The following RP1 variants were observed in gnomAD, a reference collection of about 807,000 sequenced individuals.
RP1 encodes the protein oxygen-regulated protein 1.
RP1 carries 16 observed loss-of-function variants against 14.8 expected under a neutral mutation model. The observed-to-expected ratio is 1.08, with a 90% CI of 0.73 to 1.65. The LOEUF (loss-of-function observed/expected upper bound fraction) is 1.65. Ranked by LOEUF, RP1 falls within the 40% of genes most tolerant of loss-of-function variation. RP1 has a pLI of 0.00. For synonymous variants in RP1, 876 were observed against 883.6 expected (o/e 0.99, Z 0.15); for missense variants, 2,631 against 2,535.0 (o/e 1.04, Z -0.81).
intron 27 of RP1, among the ~76,000 whole-genome samples, chr8:54,859,343 G>GGTGTCT (rs947200880): frequency 1.6e-4 from 2 of 12,260 alleles, no homozygotes; most frequent in African/African-American, 3.2e-4. Flanking sequence ...ACTGTAGGGT[G>GGTGTCT]GTGTCCCTGT....
chr8:54,651,940 G>A (rs1806662998), intron 4 of RP1, among the ~76,000 whole-genome samples: 1 of 151,044 alleles, frequency 6.6e-6, no homozygotes, highest in South Asian at 2.1e-4. Context: ...TTGTCTCAAA[G>A]TATTTTTTAA....
chr8:54,592,281 G>C (rs1197944210), intron 1 of RP1, among the ~76,000 whole-genome samples: 3 of 152,180 alleles, frequency 2.0e-5, no homozygotes, highest in Non-Finnish European at 4.4e-5. Context: ...ATTTGGGAGA[G>C]AGCAAGGTGC....
chr8:54,668,359 T>C (rs7839593), intron 7 of RP1, among the ~76,000 whole-genome samples: 50,106 of 151,948 alleles, frequency 0.33, 9,127 homozygotes, highest in Middle Eastern at 0.48. Flanking sequence ...CAAACCACTG[T>C]TCAATGAAAT....
chr8:54,685,774 CCTCTT>C (rs1563347405), intron 12 of RP1, among the ~76,000 whole-genome samples: 2 of 152,294 alleles, frequency 1.3e-5, no homozygotes, highest in Non-Finnish European at 2.9e-5. Flanking sequence ...ACTGGACACC[CCTCTT>C]CTCAGTTTTA....
chr8:54,668,487 G>C (rs753247005), intron 7 of RP1, among the ~76,000 whole-genome samples: 1 of 152,122 alleles, frequency 6.6e-6, no homozygotes, highest in African/African-American at 2.4e-5. Context: ...TCCCCATCAA[G>C]CTACTAATGA....
chr8:54,662,730 C>T (rs754009741), intron 6 of RP1, among the ~76,000 whole-genome samples: 3 of 151,976 alleles, frequency 2.0e-5, no homozygotes, highest in Non-Finnish European at 4.4e-5. Flanking sequence ...TGGGGGACTG[C>T]GGAGGAGGAA....
chr8:54,585,300 T>C (rs187058366), intron 1 of RP1, among the ~76,000 whole-genome samples: 301 of 152,344 alleles, frequency 2.0e-3, no homozygotes, highest in African/African-American at 6.9e-3. Context: ...AAAATTCTTT[T>C]CTTTAAGAAT....
intron 1 of RP1, among the ~76,000 whole-genome samples, chr8:54,601,382 T>G (rs1347188915): frequency 8.3e-6 from 1 of 120,414 alleles, no homozygotes; most frequent in Admixed American, 1.2e-4. Context: ...TGGGAACACA[T>G]GGACACAGGA....
intron 14 of RP1, among the ~76,000 whole-genome samples, chr8:54,705,208 C>T (rs1808120569): frequency 6.6e-6 from 1 of 151,938 alleles, no homozygotes; most frequent in African/African-American, 2.4e-5. Flanking sequence ...GAAGAACTCA[C>T]AGAACCCATT....
At chr8:54,759,781 G>C (rs931725652) in intron 22 of RP1, among the ~76,000 whole-genome samples, 1 of 152,080 alleles carries the variant, frequency 6.6e-6, no homozygotes, top group Non-Finnish European at 1.5e-5. Context: ...ATTGTTGCTT[G>C]GTCTCTCAGT....
intron 24 of RP1, among the ~76,000 whole-genome samples, chr8:54,810,379 A>T (rs139438887): frequency 1.2e-3 from 184 of 152,266 alleles, no homozygotes; most frequent in African/African-American, 4.3e-3. Context: ...GCAGGTGATC[A>T]CTTTGTAAAT....
intron 24 of RP1, among the ~76,000 whole-genome samples, chr8:54,813,299 G>C (rs1431873146): frequency 2.0e-5 from 3 of 152,286 alleles, no homozygotes; most frequent in South Asian, 4.1e-4. Context: ...CTGGCTTTCA[G>C]GTTTGTCACA....
At chr8:54,831,830 A>G (rs1022232550) in intron 24 of RP1, among the ~76,000 whole-genome samples, 11 of 151,628 alleles carry the variant, frequency 7.3e-5, no homozygotes, top group African/African-American at 2.7e-4. Flanking sequence ...CATTTTTTGT[A>G]GTACAAGTTG....
At chr8:54,583,176 CAATACCT>C (rs1209742365) in intron 1 of RP1, among the ~76,000 whole-genome samples, 1 of 152,192 alleles carries the variant, frequency 6.6e-6, no homozygotes, top group African/African-American at 2.4e-5. Flanking sequence ...TACGTCCTAT[CAATACCT>C]AATTTATTGA....
chr8:54,859,234 G>A (rs920580071), intron 27 of RP1, among the ~76,000 whole-genome samples: 1 of 151,808 alleles, frequency 6.6e-6, no homozygotes, highest in Non-Finnish European at 1.5e-5. Context: ...CTGTAGAGGG[G>A]TGTCACTGTA....
At chr8:54,661,428 A>G (rs1176819398) in intron 6 of RP1, among the ~76,000 whole-genome samples, 1 of 151,326 alleles carries the variant, frequency 6.6e-6, no homozygotes, top group South Asian at 2.1e-4. Flanking sequence ...GCAGTGAGCC[A>G]TGATTGTTCC....
At chr8:54,858,275 T>C (rs1227109975) in intron 27 of RP1, among the ~76,000 whole-genome samples, 1 of 152,130 alleles carries the variant, frequency 6.6e-6, no homozygotes, top group Admixed American at 6.5e-5. Context: ...CAGGATCGTA[T>C]AGAGGAAATT....
At chr8:54,782,372 T>C (rs1164236662) in intron 23 of RP1, among the ~76,000 whole-genome samples, 1 of 152,190 alleles carries the variant, frequency 6.6e-6, no homozygotes, top group Non-Finnish European at 1.5e-5. Context: ...CAAATGATGT[T>C]TATGTATATA....
Position 54,625,783 on chromosome 8 carries a change from C to G in RP1, c.1901C>G (p.Ala634Gly), listed in dbSNP as rs1372688692. The stretch of plus-strand genomic sequence containing the variant: ...ATTTCTGAGGCTCCAGCTTCAGAAG[C>G]ATCCTCTACTGTCACTGCAAGAATT... ...KNISEAPASEASSTVTARIDR... is the reference protein window; with the variant it reads ...KNISEAPASEGSSTVTARIDR... Residue 634 changes from alanine (A) to glycine (G), a missense_variant, in exon 4 of 4, where the codon GCA becomes GGA. Transcript: ENST00000220676. The G allele has an allele frequency of 6.2e-7, 1 of 1,613,522 alleles. No individual in the cohort carries two copies. The highest frequency in any genetic ancestry group is 1.3e-5 in the African/African-American group (1 of 75,042).
Sources: gnomAD v4.1 joint callset for allele counts (sites outside exome capture counted in the v4.1 genomes callset) on GRCh38, gnomAD v4.1.1 for gene constraint, MANE v1.5 for transcripts, NCBI Gene and HGNC (gene_info 2026-07-23, HGNC 2026-07-21) for gene names.